The following TRAPPC11 variants were observed in gnomAD, a reference collection of about 807,000 sequenced individuals.
TRAPPC11 encodes the protein foie gras homolog.
Under a neutral mutation model 151.2 loss-of-function variants are expected in TRAPPC11, and 104 were observed. The observed-to-expected ratio is 0.69, with a 90% CI of 0.59 to 0.81. The LOEUF is 0.81. Among genes scored for constraint, TRAPPC11 ranks in the 30% least tolerant of loss-of-function variants. The probability of loss-of-function intolerance (pLI) is 0.00; values close to 1 mark genes in which losing one functional copy is unlikely to be tolerated. For missense variants in TRAPPC11, 1,230 were observed against 1,349.6 expected, an observed-to-expected ratio of 0.91 and a Z score of 1.39; for synonymous variants, 456 against 472.3, an observed-to-expected ratio of 0.97 and a Z score of 0.45.
chr4:183,665,660 C>T (rs916800214), intron 2 of TRAPPC11, among the ~76,000 whole-genome samples: 4 of 152,204 alleles, frequency 2.6e-5, no homozygotes, highest in African/African-American at 7.2e-5. Flanking sequence ...AACTGCATCC[C>T]TCAGGGCTAA....
In TRAPPC11 at chr4:183,685,160, TTTA is replaced by T; in HGVS notation, c.1629+17_1629+19del. The T allele has an allele frequency of 1.2e-6, 2 of 1,613,326 alleles. No homozygotes were observed. The highest frequency in any genetic ancestry group is 1.7e-6 in the Non-Finnish European group (2 of 1,179,408). ...ATGTTTTAATGGTAGGTTGGAATTGTTTATATAGAGTGTGTTATTAGGAATATG... is the reference window on the plus strand; with the variant it reads ...ATGTTTTAATGGTAGGTTGGAATTGTTATAGAGTGTGTTATTAGGAATATG... On this transcript the variant is annotated intron_variant, in intron 16 of 29. Coordinates refer to ENST00000334690, the MANE Select transcript of TRAPPC11 (RefSeq NM_021942.6).
intron 29 of TRAPPC11, 67 bp downstream of exon 29, chr4:183,708,641 G>T (rs9312318): frequency 2.1e-6 from 3 of 1,463,084 alleles, no homozygotes; most frequent in Non-Finnish European, 2.8e-6. Flanking sequence ...TCTTTTTCAT[G>T]TAAACTTCAC....
intron 26 of TRAPPC11, among the ~76,000 whole-genome samples, chr4:183,704,415 G>A (rs1006800844): frequency 1.3e-5 from 2 of 151,854 alleles, no homozygotes; most frequent in African/African-American, 4.8e-5. Flanking sequence ...CAGCTACTCG[G>A]GAGGCTGAGG....
chr4:183,702,401 A>T (rs974470134), intron 26 of TRAPPC11, among the ~76,000 whole-genome samples: 3 of 152,170 alleles, frequency 2.0e-5, no homozygotes, highest in African/African-American at 4.8e-5. Context: ...AAATGGGGGA[A>T]AAAAACGTAA....
chr4:183,693,488 G>C, intron 20 of TRAPPC11, 101 bp from the exon 21 acceptor site: 1 of 1,302,610 alleles, frequency 7.7e-7, no homozygotes, highest in Non-Finnish European at 1.0e-6. Flanking sequence ...TTACAGGCCT[G>C]AGCCTCTGCA....
rs374734783 is a variant in TRAPPC11 at position 183,708,416 on chromosome 4, C to T, written c.3199C>T (p.Arg1067Cys). The stretch of plus-strand genomic sequence containing the variant: ...ACTTTTTATGATGCAGATTCGATTA[C>T]GTATCCTCCCTGGCACGGAGCAGGA... Reference protein sequence around the residue: ...MFSGLKQIRLRILPGTEQEML... With the variant: ...MFSGLKQIRLCILPGTEQEML... Residue 1067 changes from arginine to cysteine, a missense_variant, in exon 29 of 30, where the codon CGT becomes TGT. Arg to Cys is a radical substitution (Grantham distance 180, BLOSUM62 -3). Transcript: ENST00000334690. The T allele has an allele frequency of 1.2e-5, 19 of 1,612,468 alleles. No homozygotes were observed. The highest frequency in any genetic ancestry group is 6.7e-5 in the East Asian group (3 of 44,862).
At chr4:183,710,472 G>C (rs776254577) in intron 29 of TRAPPC11, among the ~76,000 whole-genome samples, 13 of 151,510 alleles carry the variant, frequency 8.6e-5, no homozygotes, top group Non-Finnish European at 1.3e-4. Flanking sequence ...ATTTTTAGTA[G>C]ATACGGGGTT....
chr4:183,680,282 C>T lies in TRAPPC11; in HGVS notation c.1113+15C>T, dbSNP rs1366009856. 22 of 1,613,508 alleles carry T rather than the reference C, an allele frequency of 1.4e-5. No individual in the cohort carries two copies. Among genetic ancestry groups the T allele is most frequent in the Non-Finnish European group, 1.9e-5 (22 of 1,179,808 alleles). On this transcript the variant is annotated intron_variant, in intron 10 of 29. Transcript: ENST00000334690. Reference sequence around the variant, plus strand: ...GTAACCACGAAGTAAGTTACTCACTCCGTATTATCTAGCACATAGAAAAGT... The same window carrying T: ...GTAACCACGAAGTAAGTTACTCACTTCGTATTATCTAGCACATAGAAAAGT...
intron 10 of TRAPPC11, among the ~76,000 whole-genome samples, chr4:183,681,269 T>C (rs1159023616): frequency 6.6e-6 from 1 of 152,062 alleles, no homozygotes; most frequent in Non-Finnish European, 1.5e-5. Context: ...AACGAATAGA[T>C]TGTATATTAG....
rs759812768 is a variant in TRAPPC11 at position 183,668,108 on chromosome 4, A to T, written c.551A>T (p.Tyr184Phe). Residue 184 changes from tyrosine (Y) to phenylalanine (F), a missense_variant, in exon 5 of 30, where the codon TAT (tyrosine) becomes TTT (phenylalanine). Physicochemically the swap from Tyr to Phe is conservative, Grantham distance 22. Coordinates refer to ENST00000334690, the MANE Select transcript of TRAPPC11 (RefSeq NM_021942.6). ...CCGCACACTGACCACCTTGTGGGTT[A>T]TATTATAAGGTAAGTAGAGGTCTTT... The part of the protein sequence containing the change: ...VLPHTDHLVG[Y>F]IIRLENAFYE... 3.8e-6 allele frequency: 6 copies of T among 1,598,906 alleles called. No individual in the cohort carries two copies. The highest frequency in any genetic ancestry group is 5.1e-6 in the Non-Finnish European group (6 of 1,170,036).
chr4:183,679,174 A>G (rs1040149065), intron 8 of TRAPPC11, among the ~76,000 whole-genome samples, 179 bp from the exon 9 acceptor site: 5 of 152,252 alleles, frequency 3.3e-5, no homozygotes, highest in African/African-American at 1.2e-4. Flanking sequence ...AAAGGGATAT[A>G]TAACCTTTGG....
chr4:183,690,426 C>G (rs762163124), intron 18 of TRAPPC11, among the ~76,000 whole-genome samples: 13 of 152,124 alleles, frequency 8.5e-5, no homozygotes, highest in Non-Finnish European at 1.6e-4. Flanking sequence ...AGCTGTCTTC[C>G]TTTACTCATC....
chr4:183,661,670 C>T (rs975669310), intron 1 of TRAPPC11, among the ~76,000 whole-genome samples: 11 of 151,674 alleles, frequency 7.3e-5, no homozygotes, highest in African/African-American at 2.7e-4. Flanking sequence ...CGCGCCCGGC[C>T]AGATTACCTT....
chr4:183,678,214 G>A (rs986573713), intron 8 of TRAPPC11, among the ~76,000 whole-genome samples: 1 of 152,072 alleles, frequency 6.6e-6, no homozygotes, highest in Admixed American at 6.6e-5. Flanking sequence ...TGGAATTACG[G>A]GTGTGAGCCA....
At chr4:183,701,536 C>G in intron 25 of TRAPPC11, 161 bp from the exon 26 acceptor site, 1 of 560,410 alleles carries the variant, frequency 1.8e-6, no homozygotes, top group Non-Finnish European at 3.2e-6. Flanking sequence ...ACTTTGTGAC[C>G]TTGAAAAAGT....
At chr4:183,664,994 C>T (rs2111294113) in intron 2 of TRAPPC11, among the ~76,000 whole-genome samples, 1 of 151,664 alleles carries the variant, frequency 6.6e-6, no homozygotes, top group East Asian at 1.9e-4. Flanking sequence ...CACACGACAA[C>T]ATTTCATATA....
chr4:183,708,398 A>G lies in TRAPPC11; in HGVS notation c.3190-9A>G, dbSNP rs757589050. ...TGATTATCTTTCTCTGTGACTTTTT[A>G]TGATGCAGATTCGATTACGTATCCT... is the stretch of plus-strand genomic sequence containing the variant. On this transcript the variant is annotated splice_polypyrimidine_tract_variant and intron_variant, in intron 28 of 29. Transcript: ENST00000334690. 1.9e-6 allele frequency: 3 copies of G among 1,607,488 alleles called. No individual in the cohort carries two copies. Among genetic ancestry groups the G allele is most frequent in the Non-Finnish European group, 8.5e-7 (1 of 1,176,682 alleles).
chr4:183,697,398 T>A, intron 23 of TRAPPC11, 105 bp from the exon 24 acceptor site: 1 of 1,026,268 alleles, frequency 9.7e-7, no homozygotes, highest in Non-Finnish European at 1.4e-6. Flanking sequence ...TCTTAGTATG[T>A]ATAATTTGGG....
chr4:183,685,050 A>G, intron 15 of TRAPPC11, 34 bp from the exon 16 acceptor site: 1 of 1,594,046 alleles, frequency 6.3e-7, no homozygotes, highest in Non-Finnish European at 8.6e-7. Flanking sequence ...AATTATAAGT[A>G]CTTAAAATGT....
Sources: allele counts gnomAD v4.1 joint callset (sites outside exome capture counted in the v4.1 genomes callset), GRCh38; gene constraint gnomAD v4.1.1; transcripts MANE v1.5; gene names NCBI Gene and HGNC (gene_info 2026-07-23, HGNC 2026-07-21).